DSCAML1: variants seen among roughly 807,000 people sequenced by gnomAD.
DSCAML1 encodes DS cell adhesion molecule like 1.
DSCAML1 carries 38 observed loss-of-function variants against 200.5 expected under a neutral mutation model. That is an observed-to-expected ratio of 0.19 (90% CI 0.15 to 0.25). The LOEUF (loss-of-function observed/expected upper bound fraction) is 0.25, where lower values mean the gene tolerates loss of function less well. DSCAML1 is among the 10% of genes least tolerant of loss of function. The pLI is 1.00. For synonymous variants in DSCAML1, 1,215 were observed against 1,165.0 expected (o/e 1.04, Z -0.87); for missense variants, 2,223 against 2,858.8 (o/e 0.78, Z 5.07).
At chr11:117,654,689 C>T (rs1001447394) in intron 3 of DSCAML1, among the ~76,000 whole-genome samples, 1 of 152,154 alleles carries the variant, frequency 6.6e-6, no homozygotes, top group Non-Finnish European at 1.5e-5. Flanking sequence ...CAGAGTCCTG[C>T]AGAATGTTAA....
At chr11:117,610,840 A>AACCC (rs1392416342) in intron 3 of DSCAML1, among the ~76,000 whole-genome samples, 5 of 112,548 alleles carry the variant, frequency 4.4e-5, no homozygotes, top group African/African-American at 6.7e-5. Context: ...AACCAAAACA[A>AACCC]CCCCCCCCCC....
intron 3 of DSCAML1, among the ~76,000 whole-genome samples, chr11:117,555,954 G>A (rs1217368521): frequency 1.3e-5 from 2 of 151,888 alleles, no homozygotes; most frequent in African/African-American, 4.8e-5. Context: ...GGAGGGGCGG[G>A]GGAGGAGGGG....
intron 3 of DSCAML1, among the ~76,000 whole-genome samples, chr11:117,671,994 G>C (rs952225024): frequency 1.3e-5 from 2 of 151,520 alleles, no homozygotes; most frequent in African/African-American, 4.9e-5. Context: ...CCAGCTACTC[G>C]GGAGGGTGAG....
chr11:117,523,983 ACTT>A (rs1263362597), intron 5 of DSCAML1, among the ~76,000 whole-genome samples: 2 of 152,174 alleles, frequency 1.3e-5, no homozygotes, highest in Admixed American at 6.5e-5. Context: ...GCTAGAAGGA[ACTT>A]CTTCATTTCA....
chr11:117,452,176 T>C (rs1187903634), intron 19 of DSCAML1, among the ~76,000 whole-genome samples: 1 of 152,240 alleles, frequency 6.6e-6, no homozygotes, highest in Non-Finnish European at 1.5e-5. Flanking sequence ...TATCCTTGCA[T>C]ACTTTTTTCC....
intron 3 of DSCAML1, among the ~76,000 whole-genome samples, chr11:117,662,212 T>A (rs1361765560): frequency 3.3e-5 from 5 of 152,156 alleles, no homozygotes; most frequent in Admixed American, 2.0e-4. Context: ...CATGTTTTTT[T>A]AAAAAAGGAT....
intron 3 of DSCAML1, among the ~76,000 whole-genome samples, chr11:117,774,796 GC>G (rs1206484398): frequency 6.6e-6 from 1 of 152,148 alleles, no homozygotes; most frequent in East Asian, 1.9e-4. Context: ...TCTGGTTCCA[GC>G]CCCACCCTCT....
intron 31 of DSCAML1, among the ~76,000 whole-genome samples, chr11:117,431,314 T>C (rs1006716826): frequency 2.6e-5 from 4 of 152,234 alleles, no homozygotes; most frequent in African/African-American, 9.6e-5. Context: ...CTGACAGTTT[T>C]TGGGAAAGCA....
At chr11:117,623,214 TTC>T (rs1271724637) in intron 3 of DSCAML1, among the ~76,000 whole-genome samples, 4 of 89,110 alleles carry the variant, frequency 4.5e-5, no homozygotes, top group East Asian at 2.9e-4. Context: ...TTCTTTTCTT[TTC>T]TTTTTTTTTT....
In DSCAML1 at chr11:117,642,765, C is replaced by A. The variant is rs992734439; in HGVS notation, c.512-110243G>T. Among the ~76,000 whole-genome samples, 1 of 152,168 alleles carries A rather than the reference C, an allele frequency of 6.6e-6. No homozygotes were observed. Among genetic ancestry groups the A allele is most frequent in the East Asian group, 1.9e-4 (1 of 5,190 alleles). ...GGGCTGAGAAACACCCCTGGTGATT[C>A]CCATCTCACTCTTGGATTCCTTCAT... On this transcript the variant is annotated intron_variant, in intron 3 of 32. Transcript: ENST00000651296. This position sits in a 1 kb window ranked among gnomAD's most constrained non-coding sequence, Gnocchi z 4.1.
At chr11:117,555,395 A>G (rs2050542191) in intron 3 of DSCAML1, among the ~76,000 whole-genome samples, 1 of 152,178 alleles carries the variant, frequency 6.6e-6, no homozygotes, top group Admixed American at 6.5e-5. Context: ...GGAGGTGGAT[A>G]CAGACCCAGA....
At chr11:117,575,925 C>T (rs1217742880) in intron 3 of DSCAML1, among the ~76,000 whole-genome samples, 2 of 152,202 alleles carry the variant, frequency 1.3e-5, no homozygotes, top group African/African-American at 4.8e-5. Context: ...CTTGGGCCCA[C>T]ACTGCTGGAA....
chr11:117,455,762 A>G (rs1281618599), intron 19 of DSCAML1, among the ~76,000 whole-genome samples: 1 of 152,238 alleles, frequency 6.6e-6, no homozygotes, highest in Non-Finnish European at 1.5e-5. Flanking sequence ...CTTGGACCAC[A>G]GATCTGTCTG....
intron 3 of DSCAML1, among the ~76,000 whole-genome samples, chr11:117,726,646 C>T (rs1201882622): frequency 6.6e-6 from 1 of 152,022 alleles, no homozygotes; most frequent in Middle Eastern, 3.2e-3. Flanking sequence ...TCTTTCTTCG[C>T]AAGATCTAGT....
intron 3 of DSCAML1, among the ~76,000 whole-genome samples, chr11:117,745,708 T>C (rs888375078): frequency 6.6e-6 from 1 of 152,230 alleles, no homozygotes; most frequent in Non-Finnish European, 1.5e-5. Context: ...TGCCTCGTTA[T>C]GCTACGTCAG....
chr11:117,700,291 A>G (rs1177845672), intron 3 of DSCAML1, among the ~76,000 whole-genome samples: 1 of 152,220 alleles, frequency 6.6e-6, no homozygotes, highest in Non-Finnish European at 1.5e-5. Context: ...CAAAGATGCT[A>G]AACTGAGGTT....
intron 3 of DSCAML1, among the ~76,000 whole-genome samples, chr11:117,689,478 A>G (rs990614639): frequency 7.9e-5 from 12 of 152,236 alleles, no homozygotes; most frequent in African/African-American, 2.9e-4. Flanking sequence ...TGGGTTAGCT[A>G]TAAAGACAAA....
intron 3 of DSCAML1, among the ~76,000 whole-genome samples, chr11:117,568,340 T>C (rs2050790585): frequency 6.6e-6 from 1 of 152,014 alleles, no homozygotes; most frequent in African/African-American, 2.4e-5. Flanking sequence ...CTCTCACCAC[T>C]CCTATTCAAC....
At chr11:117,643,248 G>C (rs1247102429) in intron 3 of DSCAML1, among the ~76,000 whole-genome samples, 1 of 152,166 alleles carries the variant, frequency 6.6e-6, no homozygotes, top group Non-Finnish European at 1.5e-5. Flanking sequence ...AATAGCTTCT[G>C]AAAGGGTTCG....
Sources: allele counts gnomAD v4.1 joint callset (sites outside exome capture counted in the v4.1 genomes callset), GRCh38; gene constraint gnomAD v4.1.1; non-coding constraint Gnocchi (gnomAD v3.1); transcripts MANE v1.5; gene names NCBI Gene and HGNC (gene_info 2026-07-23, HGNC 2026-07-21).